MYT1L: variants seen among roughly 807,000 people sequenced by gnomAD.
The protein encoded by MYT1L is myelin transcription factor 1-like protein.
Under a neutral mutation model 126.7 loss-of-function variants are expected in MYT1L, and 12 were observed. That is an observed-to-expected ratio of 0.09 (90% CI 0.06 to 0.15). The LOEUF is 0.15. Ranked by LOEUF, MYT1L falls within the 10% of genes least tolerant of loss-of-function variation. The pLI is 1.00. For synonymous variants in MYT1L, 541 were observed against 604.2 expected (o/e 0.90, Z 1.53); for missense variants, 979 against 1,585.2 (o/e 0.62, Z 6.49).
In MYT1L at chr2:2,079,807, G is replaced by A. The variant is rs576012617; in HGVS notation, c.-303-25684C>T. Among the ~76,000 whole-genome samples, 277 of 148,462 alleles carry A rather than the reference G, an allele frequency of 1.9e-3. 1 individual carries two copies. Among genetic ancestry groups the A allele is most frequent in the Non-Finnish European group, 2.8e-3 (186 of 67,400 alleles). ...AGCCTGGGCAACAGAGTGAGACTCC[G>A]TCTCAAAAAAAAAAAAGAAAGAAAG... On this transcript the variant is annotated intron_variant, in intron 3 of 24. Coordinates refer to ENST00000647738, the MANE Select transcript of MYT1L (RefSeq NM_001303052.2).
chr2:2,265,605 C>T (rs369021250), intron 2 of MYT1L, among the ~76,000 whole-genome samples: 11 of 152,128 alleles, frequency 7.2e-5, no homozygotes, highest in South Asian at 2.1e-4. Flanking sequence ...GGTGCACCCG[C>T]GGCATGGGAA....
chr2:2,228,329 C>A lies in MYT1L; in HGVS notation c.-420-55341G>T, dbSNP rs907233491. ...TTGGCAAAGGTGATAATATTAAAAA[C>A]CTGTGCAACAGGATTATAATAATAA... On this transcript the variant is annotated intron_variant, in intron 2 of 24. Transcript: ENST00000647738. This position sits in a 1 kb window ranked among gnomAD's most constrained non-coding sequence, Gnocchi z 5.9. Among the ~76,000 whole-genome samples, 28 of 152,164 alleles carry A rather than the reference C, an allele frequency of 1.8e-4. No homozygotes were observed. Among genetic ancestry groups the A allele is most frequent in the African/African-American group, 6.5e-4 (27 of 41,446 alleles).
chr2:1,810,835 AT>A (rs1558622489), intron 21 of MYT1L, among the ~76,000 whole-genome samples: 1 of 152,132 alleles, frequency 6.6e-6, no homozygotes, highest in Non-Finnish European at 1.5e-5. Context: ...CTAAGTTGTT[AT>A]TTTTTTGATG....
intron 2 of MYT1L, among the ~76,000 whole-genome samples, chr2:2,192,205 A>G (rs529234195): frequency 4.6e-5 from 7 of 152,346 alleles, no homozygotes; most frequent in South Asian, 4.1e-4. Context: ...CACTGTAAAT[A>G]TAGTTCAGAT....
chr2:2,309,653 C>T (rs2095923884), intron 1 of MYT1L, among the ~76,000 whole-genome samples: 1 of 150,254 alleles, frequency 6.7e-6, no homozygotes, highest in Non-Finnish European at 1.5e-5. Flanking sequence ...CATACTCCAC[C>T]TGTACTTCAG....
intron 5 of MYT1L, among the ~76,000 whole-genome samples, chr2:1,988,171 C>T (rs1345919496): frequency 1.3e-5 from 2 of 152,162 alleles, no homozygotes; most frequent in African/African-American, 4.8e-5. Context: ...ACCCTCCCGC[C>T]AGCCCAGCTG....
chr2:1,912,355 C>T lies in MYT1L; in HGVS notation c.1619-245G>A, dbSNP rs1327951682. On this transcript the variant is annotated intron_variant, in intron 11 of 24. Coordinates refer to ENST00000647738, the MANE Select transcript of MYT1L (RefSeq NM_001303052.2). This position sits in a 1 kb window ranked among gnomAD's most constrained non-coding sequence, Gnocchi z 4.3. ...GACCCTACAGACCCTACATGAAAGG[C>T]CAGAGAAAGAAGGTTGACGGGACTC... Among the ~76,000 whole-genome samples, 2 of 152,108 alleles carry T rather than the reference C, an allele frequency of 1.3e-5. No homozygotes were observed. The highest frequency in any genetic ancestry group is 2.9e-5 in the Non-Finnish European group (2 of 68,032).
At chr2:2,290,322 C>T (rs1001508181) in intron 1 of MYT1L, among the ~76,000 whole-genome samples, 2 of 152,140 alleles carry the variant, frequency 1.3e-5, no homozygotes, top group Non-Finnish European at 1.5e-5. Flanking sequence ...GCGAGGCCTT[C>T]GTCTGCTTTC....
At chr2:1,823,861 C>A (rs2038928902) in intron 21 of MYT1L, among the ~76,000 whole-genome samples, 1 of 152,216 alleles carries the variant, frequency 6.6e-6, no homozygotes, top group Non-Finnish European at 1.5e-5. Context: ...TGAAATCTAA[C>A]AATTTTTAAA....
intron 2 of MYT1L, among the ~76,000 whole-genome samples, chr2:2,216,127 G>A (rs1228435555): frequency 6.6e-6 from 1 of 151,674 alleles, no homozygotes; most frequent in Non-Finnish European, 1.5e-5. Context: ...GCAGATGCTG[G>A]TGCCATGATT....
chr2:2,301,845 A>AT (rs2095791704), intron 1 of MYT1L, among the ~76,000 whole-genome samples: 1 of 150,458 alleles, frequency 6.6e-6, no homozygotes, highest in Non-Finnish European at 1.5e-5. Flanking sequence ...AAAAAAAAAA[A>AT]GAAGAAAATT....
intron 2 of MYT1L, among the ~76,000 whole-genome samples, chr2:2,259,273 T>C (rs1158886816): frequency 3.6e-5 from 4 of 111,356 alleles, no homozygotes; most frequent in South Asian, 3.8e-4. Context: ...AGGGATAGCA[T>C]TGGGAGATAT....
intron 13 of MYT1L, among the ~76,000 whole-genome samples, chr2:1,908,029 C>A (rs1323529867): frequency 6.6e-6 from 1 of 152,254 alleles, no homozygotes; most frequent in Non-Finnish European, 1.5e-5. Context: ...GTGAGACTAG[C>A]GTCTCTTTCT....
intron 18 of MYT1L, among the ~76,000 whole-genome samples, chr2:1,875,423 A>G (rs111629785): frequency 2.0e-5 from 3 of 152,216 alleles, no homozygotes; most frequent in Non-Finnish European, 2.9e-5. Flanking sequence ...ACATGCATAC[A>G]TTTTAAATGG....
intron 1 of MYT1L, among the ~76,000 whole-genome samples, chr2:2,315,280 A>G (rs1040357397): frequency 6.6e-6 from 1 of 152,072 alleles, no homozygotes; most frequent in African/African-American, 2.4e-5. Flanking sequence ...ACCTACAGAC[A>G]TTCAGTAAAT....
At chr2:1,956,223 A>G (rs557120395) in intron 8 of MYT1L, among the ~76,000 whole-genome samples, 2 of 132,570 alleles carry the variant, frequency 1.5e-5, no homozygotes, top group South Asian at 2.2e-4. Flanking sequence ...CTATCTATCT[A>G]TCTGTCTATC....
chr2:2,169,835 G>A (rs1421472454), intron 3 of MYT1L, among the ~76,000 whole-genome samples: 3 of 152,104 alleles, frequency 2.0e-5, no homozygotes, highest in African/African-American at 7.2e-5. Context: ...CGGTTTTATG[G>A]ACAGAACTCC....
intron 18 of MYT1L, among the ~76,000 whole-genome samples, chr2:1,881,223 C>T (rs1468979662): frequency 1.3e-5 from 2 of 152,250 alleles, no homozygotes; most frequent in Non-Finnish European, 2.9e-5. Flanking sequence ...TAGGGAGGCT[C>T]CTGCTGCTGG....
chr2:1,980,563 T>G (rs2060530175), intron 5 of MYT1L, among the ~76,000 whole-genome samples: 1 of 152,090 alleles, frequency 6.6e-6, no homozygotes, highest in Non-Finnish European at 1.5e-5. Context: ...ATCTTATACT[T>G]GAGACATTAC....
Sources: gnomAD v4.1 joint callset for allele counts (sites outside exome capture counted in the v4.1 genomes callset) on GRCh38, gnomAD v4.1.1 for gene constraint, Gnocchi (gnomAD v3.1) non-coding constraint, MANE v1.5 for transcripts, NCBI Gene and HGNC (gene_info 2026-07-23, HGNC 2026-07-21) for gene names.